The following STK32C variants were observed in gnomAD, a reference collection of about 807,000 sequenced individuals.
STK32C encodes serine/threonine kinase 32C, also known as serine/threonine-protein kinase 32C.
A neutral mutation model predicts 56.5 loss-of-function variants in STK32C; 31 were observed. That is an observed-to-expected ratio of 0.55 (90% CI 0.41 to 0.74). STK32C has a LOEUF of 0.74. Ranked by LOEUF, STK32C falls within the 30% of genes least tolerant of loss-of-function variation. The probability of loss-of-function intolerance (pLI) is 0.00; values close to 1 mark genes in which losing one functional copy is unlikely to be tolerated. For missense variants in STK32C, 544 were observed against 676.9 expected, an observed-to-expected ratio of 0.80 and a Z score of 2.18; for synonymous variants, 309 against 289.4, an observed-to-expected ratio of 1.07 and a Z score of -0.69.
intron 1 of STK32C, among the ~76,000 whole-genome samples, chr10:132,264,479 C>T (rs992610699): frequency 1.3e-5 from 2 of 152,116 alleles, no homozygotes; most frequent in African/African-American, 4.8e-5. Context: ...AGGGACAGAG[C>T]TTTGTGCTGC....
chr10:132,234,094 C>T (rs1250457558), intron 2 of STK32C, among the ~76,000 whole-genome samples: 1 of 152,224 alleles, frequency 6.6e-6, no homozygotes, highest in Non-Finnish European at 1.5e-5. Context: ...TGGCTGAGAA[C>T]CTGTGGCCTC....
chr10:132,325,175 G>A (rs1472563652), intron 1 of STK32C, among the ~76,000 whole-genome samples: 2 of 152,132 alleles, frequency 1.3e-5, no homozygotes, highest in East Asian at 1.9e-4. Context: ...CCCGGTGGGA[G>A]GTAACTGAAT....
rs374198887 is a variant in STK32C, at chr10:132,268,143, T to TTG, written c.263-22190_263-22189dup. Among the ~76,000 whole-genome samples the TTG allele has an allele frequency of 2.0e-4, 25 of 123,118 alleles. No individual in the cohort carries two copies. The South Asian group carries it at 2.9e-3, about 15-fold the overall frequency. The allele number at this position is 123,118 out of a possible 152,430, so 80.8% of individuals were successfully genotyped here. ...GCTGTGCCTGCGTGCATGCGTCACA[T>TTG]TGTGTGTGTGTGTGTCGGTGTGTGT... On this transcript the variant is annotated intron_variant, in intron 1 of 11. Transcript: ENST00000298630.
intron 1 of STK32C, among the ~76,000 whole-genome samples, chr10:132,251,254 T>TGGGGGCCCGTGGAGGGGGC (rs1432272717): frequency 6.6e-6 from 1 of 152,114 alleles, no homozygotes; most frequent in South Asian, 2.1e-4. Context: ...TCCGCTCTCA[T>TGGGGGCCCGTGGAGGGGGC]GGGGGCCCGT....
In STK32C at chr10:132,265,243, T is replaced by A. The variant is rs2064474724; in HGVS notation, c.263-19288A>T. 4.0e-5 allele frequency among the ~76,000 whole-genome samples: 6 copies of A among 148,802 alleles called. 1 individual carries two copies. In the South Asian group the frequency reaches 1.1e-3, roughly 26 times the overall value. On this transcript the variant is annotated intron_variant, in intron 1 of 11. Coordinates refer to ENST00000298630, the MANE Select transcript of STK32C (RefSeq NM_173575.4). The stretch of plus-strand genomic sequence containing the variant: ...AGCTGCCAGGGCAGCGAGGTGGCTC[T>A]GGGGGTGCCGCAAGGGCGGCGAGGT...
At chr10:132,284,311 G>A (rs191065287) in intron 1 of STK32C, among the ~76,000 whole-genome samples, 4 of 72,046 alleles carry the variant, frequency 5.6e-5, no homozygotes, top group East Asian at 4.5e-4. Context: ...GTGAGGTTGG[G>A]GGGGCAGGTG....
In STK32C at chr10:132,255,563, C is replaced by A. The variant is rs1484702345; in HGVS notation, c.263-9608G>T. ...GGGTGAGGAGGCTCCCGAGTTACAG[C>A]GGAGAACATAGAGCAGAAGCGTCCA... On this transcript the variant is annotated intron_variant, in intron 1 of 11. Transcript: ENST00000298630. The surrounding 1 kb of genome is among the most constrained non-coding windows in gnomAD (Gnocchi z 4.6). Among the ~76,000 whole-genome samples the A allele has an allele frequency of 1.3e-5, 2 of 152,166 alleles. No individual in the cohort carries two copies. The highest frequency in any genetic ancestry group is 2.9e-5 in the Non-Finnish European group (2 of 68,020).
intron 6 of STK32C, 51 bp from the exon 7 acceptor site, chr10:132,225,387 C>G: frequency 6.3e-7 from 1 of 1,587,808 alleles, no homozygotes; most frequent in Non-Finnish European, 8.6e-7. Context: ...ACAGCCCGGA[C>G]CCGTGGGCAC....
chr10:132,272,219 T>G (rs2064850645), intron 1 of STK32C, among the ~76,000 whole-genome samples: 1 of 152,170 alleles, frequency 6.6e-6, no homozygotes, highest in Admixed American at 6.5e-5. Context: ...CTGGACCGTG[T>G]CCTCACAGAA....
intron 1 of STK32C, among the ~76,000 whole-genome samples, chr10:132,276,920 G>A (rs2065013086): frequency 6.6e-6 from 1 of 152,350 alleles, no homozygotes; most frequent in East Asian, 1.9e-4. Context: ...CGCCCCATCT[G>A]GGCTCACTGA....
At chr10:132,320,198 A>C (rs1329455912), downstream of STK32C, among the ~76,000 whole-genome samples, 2 of 151,392 alleles carry the variant, frequency 1.3e-5, no homozygotes, top group Non-Finnish European at 2.9e-5. Flanking sequence ...CAGGTAGGGG[A>C]TGGTGGGGGG....
chr10:132,239,100 C>G (rs1280442666), intron 2 of STK32C, among the ~76,000 whole-genome samples: 1 of 152,212 alleles, frequency 6.6e-6, no homozygotes, highest in East Asian at 1.9e-4. Context: ...CAGACAGGGT[C>G]TGCAGTGGCC....
At chr10:132,299,212 C>T (rs762457310) in intron 1 of STK32C, among the ~76,000 whole-genome samples, 7 of 145,936 alleles carry the variant, frequency 4.8e-5, no homozygotes, top group Non-Finnish European at 8.9e-5. Flanking sequence ...ACAGCTAGTC[C>T]ACCAGCAGAA....
chr10:132,237,175 TGACTGTGCTCCCTGGACTGTGCTCCCTG>T (rs141227794), intron 2 of STK32C, among the ~76,000 whole-genome samples: 4 of 151,046 alleles, frequency 2.6e-5, no homozygotes, highest in South Asian at 4.2e-4. Context: ...TCCCACTCCC[TGACTGTGCTCCCTGGACTGTGCTCCCTG>T]GACTGTGCTC....
chr10:132,221,819 C>G (rs1360669643), intron 10 of STK32C, among the ~76,000 whole-genome samples: 1 of 131,188 alleles, frequency 7.6e-6, no homozygotes, highest in Non-Finnish European at 1.6e-5. Context: ...CACACACTCA[C>G]AACTGACATC....
At chr10:132,249,979 G>A (rs2063837383) in intron 1 of STK32C, among the ~76,000 whole-genome samples, 1 of 152,260 alleles carries the variant, frequency 6.6e-6, no homozygotes, top group South Asian at 2.1e-4. Flanking sequence ...CCACCAGCCG[G>A]AATCTGTCAA....
intron 1 of STK32C, among the ~76,000 whole-genome samples, chr10:132,268,600 T>C (rs1028899193): frequency 6.7e-6 from 1 of 149,170 alleles, no homozygotes; most frequent in Non-Finnish European, 1.5e-5. Flanking sequence ...GGTTCAGCTC[T>C]ATGCCTGTGT....
downstream of STK32C, among the ~76,000 whole-genome samples, chr10:132,319,978 C>A (rs1169708329): frequency 6.6e-6 from 1 of 151,034 alleles, no homozygotes; most frequent in African/African-American, 2.4e-5. Flanking sequence ...ACCTCCGCCT[C>A]CCAGGTTCAA....
chr10:132,227,054 G>A, intron 3 of STK32C, 86 bp from the exon 4 acceptor site: 3 of 1,471,442 alleles, frequency 2.0e-6, no homozygotes, highest in Non-Finnish European at 2.8e-6. Context: ...TCCCCCTAAG[G>A]ACCACAGCCC....
Sources: allele counts gnomAD v4.1 joint callset (sites outside exome capture counted in the v4.1 genomes callset), GRCh38; gene constraint gnomAD v4.1.1; non-coding constraint Gnocchi (gnomAD v3.1); transcripts MANE v1.5; gene names NCBI Gene and HGNC (gene_info 2026-07-23, HGNC 2026-07-21).